RBFOX1: variants seen among roughly 807,000 people sequenced by gnomAD.
RBFOX1 encodes RNA binding protein fox-1 homolog 1.
RBFOX1 carries 8 observed loss-of-function variants against 57.7 expected under a neutral mutation model. That is an observed-to-expected ratio of 0.14 (90% CI 0.08 to 0.25). The LOEUF (loss-of-function observed/expected upper bound fraction) is 0.25. RBFOX1 is among the 10% of genes least tolerant of loss of function. The pLI, the probability that RBFOX1 is intolerant of heterozygous loss-of-function variation, is 1.00. For synonymous variants in RBFOX1, 326 were observed against 222.4 expected (o/e 1.47, Z -4.15); for missense variants, 611 against 548.5 (o/e 1.11, Z -1.14).
At chr16:7,652,564 CG>C (rs2065301362) in intron 11 of RBFOX1, among the ~76,000 whole-genome samples, 1 of 152,178 alleles carries the variant, frequency 6.6e-6, no homozygotes, top group South Asian at 2.1e-4. Flanking sequence ...TGCGCCACCA[CG>C]CCTGACCAAT....
chr16:6,019,019 G>C (rs2095019914), upstream of RBFOX1: 1 of 876,490 alleles, frequency 1.1e-6, no homozygotes, highest in East Asian at 1.2e-4. The surrounding 1 kb of genome is among the most constrained non-coding windows in gnomAD (Gnocchi z 4.2). Context: ...GCTCCCTCGC[G>C]CACCAGATTA....
At chr16:7,435,152 G>T (rs904924876) in intron 4 of RBFOX1, among the ~76,000 whole-genome samples, 1 of 152,012 alleles carries the variant, frequency 6.6e-6, no homozygotes, top group Non-Finnish European at 1.5e-5. Flanking sequence ...TTCTGTTCCA[G>T]GATGTCACAT....
intron 1 of RBFOX1, among the ~76,000 whole-genome samples, chr16:5,351,608 CCT>C (rs2065263840): frequency 6.6e-6 from 1 of 152,172 alleles, no homozygotes; most frequent in African/African-American, 2.4e-5. Flanking sequence ...TTAAGCCTTT[CCT>C]CTCTATGGAG....
rs141904032 is a variant in RBFOX1, at chr16:5,592,607, G to A, written c.259-6295G>A. 4.8e-3 allele frequency among the ~76,000 whole-genome samples: 729 copies of A among 152,022 alleles called. 5 individuals are homozygous for A. Among genetic ancestry groups the A allele is most frequent in the Middle Eastern group, 0.01 (3 of 292 alleles). On this transcript the variant is annotated intron_variant, in intron 2 of 2. Coordinates refer to the RBFOX1 transcript ENST00000585867. Reference sequence around the variant, plus strand: ...AATTTTTGTATTTTAGTAGAGATGGGGTTTCACCATGTTGGCTAGGCTATA... The same window carrying A: ...AATTTTTGTATTTTAGTAGAGATGGAGTTTCACCATGTTGGCTAGGCTATA...
chr16:6,783,501 C>G (rs1011755941), intron 3 of RBFOX1, among the ~76,000 whole-genome samples: 1 of 150,634 alleles, frequency 6.6e-6, no homozygotes, highest in Non-Finnish European at 1.5e-5. Flanking sequence ...TAACTCTGGT[C>G]ACAAAGAAAA....
chr16:6,147,405 C>T (rs2096766685), intron 1 of RBFOX1, among the ~76,000 whole-genome samples: 1 of 152,146 alleles, frequency 6.6e-6, no homozygotes, highest in African/African-American at 2.4e-5. Flanking sequence ...GGGAGCATTC[C>T]AGGGTCCCTG....
chr16:5,266,569 G>T (rs1274693766), intron 1 of RBFOX1, among the ~76,000 whole-genome samples: 1 of 103,840 alleles, frequency 9.6e-6, no homozygotes, highest in Admixed American at 1.1e-4. Context: ...TTTTTTTGAG[G>T]CAGGATCTTT....
chr16:5,985,339 C>G (rs956665039), intron 4 of RBFOX1, among the ~76,000 whole-genome samples: 1 of 151,992 alleles, frequency 6.6e-6, no homozygotes, highest in East Asian at 1.9e-4. Flanking sequence ...GCCATCCATC[C>G]TTGGTGAGAA....
At chr16:7,248,186 T>C (rs1345771639) in intron 4 of RBFOX1, among the ~76,000 whole-genome samples, 3 of 152,210 alleles carry the variant, frequency 2.0e-5, no homozygotes, top group Admixed American at 6.5e-5. Flanking sequence ...TTAGGGATAT[T>C]ACCAGCTCTC....
At chr16:5,283,971 C>T (rs1167346926) in intron 1 of RBFOX1, among the ~76,000 whole-genome samples, 2 of 152,126 alleles carry the variant, frequency 1.3e-5, no homozygotes, top group African/African-American at 4.8e-5. Flanking sequence ...CAAATCTCAT[C>T]TTGAATTCCC....
chr16:6,923,221 C>A (rs2074871936), intron 3 of RBFOX1, among the ~76,000 whole-genome samples: 1 of 152,152 alleles, frequency 6.6e-6, no homozygotes, highest in African/African-American at 2.4e-5. Flanking sequence ...TCCATCAGCC[C>A]AGCCCCACAG....
chr16:7,463,890 A>G (rs1346565724), intron 4 of RBFOX1, among the ~76,000 whole-genome samples: 1 of 152,218 alleles, frequency 6.6e-6, no homozygotes, highest in African/African-American at 2.4e-5. Flanking sequence ...ACAGAAGAGC[A>G]AAGTAGAGAC....
intron 2 of RBFOX1, among the ~76,000 whole-genome samples, chr16:6,365,936 C>T (rs2089519216): frequency 1.3e-5 from 2 of 151,930 alleles, no homozygotes; most frequent in African/African-American, 2.4e-5. Flanking sequence ...TCAACTGCTG[C>T]TAAGGATCTT....
intron 3 of RBFOX1, among the ~76,000 whole-genome samples, chr16:6,902,132 G>A (rs893629365): frequency 2.6e-5 from 4 of 152,124 alleles, no homozygotes; most frequent in African/African-American, 9.7e-5. Flanking sequence ...CAGGAGTGCT[G>A]GAACTTGGTA....
chr16:5,604,957 G>T (rs1449866693), downstream of RBFOX1, among the ~76,000 whole-genome samples: 3 of 152,134 alleles, frequency 2.0e-5, no homozygotes, highest in Admixed American at 2.0e-4. Flanking sequence ...TTGGAATTTA[G>T]CAAAAGTGAT....
In RBFOX1 at chr16:6,193,375, T is replaced by TAC. The variant is rs1354545090; in HGVS notation, c.-126-123618_-126-123617dup. 9.3e-3 allele frequency among the ~76,000 whole-genome samples: 602 copies of TAC among 64,826 alleles called. 12 individuals are homozygous for TAC. Among genetic ancestry groups the TAC allele is most frequent in the Non-Finnish European group, 0.015 (432 of 28,772 alleles). 42.5% of individuals were successfully genotyped at this position (64,826 alleles called of 152,430 possible). ...TATACATTATATATATATATATATA[T>TAC]ACATTATATATATATACTATATATA... On this transcript the variant is annotated intron_variant, in intron 1 of 15. Coordinates refer to ENST00000550418, the MANE Select transcript of RBFOX1 (RefSeq NM_018723.4).
intron 4 of RBFOX1, among the ~76,000 whole-genome samples, chr16:7,190,503 C>A (rs550325042): frequency 1.4e-5 from 2 of 147,012 alleles, no homozygotes; most frequent in South Asian, 4.3e-4. Context: ...TTTTTTTTTT[C>A]TTTCCTGAGT....
chr16:7,285,105 T>TA (rs34684972), intron 4 of RBFOX1, among the ~76,000 whole-genome samples: 1 of 135,284 alleles, frequency 7.4e-6, no homozygotes, highest in Non-Finnish European at 1.5e-5. Context: ...TTTTTTTTTT[T>TA]AGCAACCTGT....
intron 3 of RBFOX1, among the ~76,000 whole-genome samples, chr16:5,612,230 C>CATTT (rs1596454728): frequency 6.6e-6 from 1 of 150,780 alleles, no homozygotes; most frequent in South Asian, 2.1e-4. Flanking sequence ...TTCATTCATT[C>CATTT]ATCTACTCTC....
Sources: gnomAD v4.1 joint callset for allele counts (sites outside exome capture counted in the v4.1 genomes callset) on GRCh38, gnomAD v4.1.1 for gene constraint, Gnocchi (gnomAD v3.1) non-coding constraint, MANE v1.5 for transcripts, NCBI Gene and HGNC (gene_info 2026-07-23, HGNC 2026-07-21) for gene names.